HABP4: variants seen among roughly 807,000 people sequenced by gnomAD.
The protein encoded by HABP4 is intracellular hyaluronan-binding protein 4.
In HABP4, 32 loss-of-function variants were observed where a neutral mutation model predicts 44.1. The observed-to-expected ratio is 0.73, with a 90% confidence interval of 0.55 to 0.97. HABP4 has a LOEUF of 0.97. Among genes scored for constraint, HABP4 ranks in the 50% least tolerant of loss-of-function variants. The pLI, the probability that HABP4 is intolerant of heterozygous loss-of-function variation, is 0.00. For missense variants in HABP4, 503 were observed against 561.9 expected (o/e 0.90, Z 1.06); for synonymous variants, 216 against 218.0 (o/e 0.99, Z 0.08).
chr9:96,465,363 G>C lies in HABP4; in HGVS notation c.539G>C (p.Arg180Thr). The C allele has an allele frequency of 6.2e-7, 1 of 1,610,700 alleles. No individual in the cohort carries two copies. The highest frequency in any genetic ancestry group is 8.5e-7 in the Non-Finnish European group (1 of 1,176,898). The change falls in exon 3 of 8, where the codon AGA (arginine) becomes ACA (threonine). Residue 180 changes from arginine to threonine, a missense_variant. By Grantham distance (71) the Arg-to-Thr change is moderately conservative (BLOSUM62 -1). This residue lies in a region of HABP4 where 290 missense variants were observed against 300.5 expected (regional missense o/e 0.97). Coordinates refer to ENST00000375249, the MANE Select transcript of HABP4 (RefSeq NM_014282.4). ...CCAGGTGATAGGTTTGATCGAGACA[G>C]ACCGTTGAGAGGACGTGGAGGCCCG... ...EKPGDRFDRD[R>T]PLRGRGGPRG...
intron 2 of HABP4, among the ~76,000 whole-genome samples, chr9:96,462,701 G>A (rs900169506): frequency 3.9e-5 from 6 of 152,014 alleles, no homozygotes; most frequent in Non-Finnish European, 5.9e-5. Flanking sequence ...CTAGGTAGGC[G>A]GATCTCTTGA....
In HABP4 at chr9:96,471,062, C is replaced by A; in HGVS notation, c.795C>A (p.Ser265=). The change falls in exon 5 of 8, where the codon TCC becomes TCA. Residue 265 remains serine (S), a synonymous_variant. Coordinates refer to ENST00000375249, the MANE Select transcript of HABP4 (RefSeq NM_014282.4). ...PMEEPTVVEE[S]QGTPEEESPA... ...AGGAACCCACAGTGGTGGAGGAGTCCCAGGGCACCCCGGAAGAGGAGTCTC... is the reference window on the plus strand; with the variant it reads ...AGGAACCCACAGTGGTGGAGGAGTCACAGGGCACCCCGGAAGAGGAGTCTC... 6.2e-7 allele frequency: 1 copy of A among 1,603,160 alleles called. No homozygotes were observed. The highest frequency in any genetic ancestry group is 8.5e-7 in the Non-Finnish European group (1 of 1,170,186).
At chr9:96,478,957 A>G (rs1052728318) in intron 5 of HABP4, among the ~76,000 whole-genome samples, 1 of 152,076 alleles carries the variant, frequency 6.6e-6, no homozygotes, top group Admixed American at 6.6e-5. Flanking sequence ...TTCCCTAATG[A>G]CTAATAATGT....
At chr9:96,477,763 G>A (rs928215480) in intron 5 of HABP4, among the ~76,000 whole-genome samples, 1 of 152,114 alleles carries the variant, frequency 6.6e-6, no homozygotes, top group African/African-American at 2.4e-5. Context: ...TACAAGCTTT[G>A]ATATATTTGT....
In HABP4 at chr9:96,490,001, A is replaced by G. The variant is rs760418339; in HGVS notation, c.1205A>G (p.Asn402Ser). 6.2e-7 allele frequency: 1 copy of G among 1,602,360 alleles called. No individual in the cohort carries two copies. Residue 402 changes from asparagine (N) to serine (S), a missense_variant, in exon 8 of 8, where the codon AAC (asparagine) becomes AGC (serine). Asn to Ser is a conservative substitution (Grantham distance 46). Around this residue, in one of 3 missense-constraint regions of HABP4, gnomAD observed 82 missense variants for 71.6 expected, o/e 1.15. Coordinates refer to ENST00000375249, the MANE Select transcript of HABP4 (RefSeq NM_014282.4). ...AEVVMQDVAP[N>S]PDDPEDFPAL... ...CTTTAGATGCAAGATGTTGCCCCCA[A>G]CCCAGATGACCCGGAAGATTTCCCT...
intron 5 of HABP4, among the ~76,000 whole-genome samples, chr9:96,479,534 T>A (rs1438327346): frequency 6.6e-6 from 1 of 151,938 alleles, no homozygotes; most frequent in Non-Finnish European, 1.5e-5. Flanking sequence ...CTTTTTGAGA[T>A]GGAGTTTCAC....
At chr9:96,487,570 GTAT>G (rs2131162395) in intron 6 of HABP4, among the ~76,000 whole-genome samples, 1 of 152,232 alleles carries the variant, frequency 6.6e-6, no homozygotes, top group South Asian at 2.1e-4. Flanking sequence ...TTAGCACATG[GTAT>G]TATAATCAGC....
Position 96,462,784 on chromosome 9 carries a change from T to C in HABP4, c.513-2553T>C, listed in dbSNP as rs182617553. ...TCTACAAAGGGTAGTTAGCCGAGTGTGGTGGCACATGCCTGTAGTCTCAGC... is the reference window on the plus strand; with the variant it reads ...TCTACAAAGGGTAGTTAGCCGAGTGCGGTGGCACATGCCTGTAGTCTCAGC... On this transcript the variant is annotated intron_variant, in intron 2 of 7. Transcript: ENST00000375249. Among the ~76,000 whole-genome samples, 1,097 of 151,938 alleles carry C rather than the reference T, an allele frequency of 7.2e-3. 11 individuals are homozygous for C. The highest frequency in any genetic ancestry group is 0.031 in the Middle Eastern group (9 of 294).
intron 2 of HABP4, 24 bp downstream of exon 2, chr9:96,458,565 G>C (rs1464352296): frequency 6.5e-7 from 1 of 1,529,492 alleles, no homozygotes; most frequent in South Asian, 1.1e-5. Context: ...TCCTCAGCAG[G>C]GCGGGTGGGG....
chr9:96,458,016 C>T (rs1393347192), intron 1 of HABP4, among the ~76,000 whole-genome samples: 1 of 152,182 alleles, frequency 6.6e-6, no homozygotes, highest in Non-Finnish European at 1.5e-5. Context: ...CTTTCATTTT[C>T]TAGGTACGGC....
At chr9:96,480,759 TC>T (rs1160391835) in intron 5 of HABP4, among the ~76,000 whole-genome samples, 2 of 152,226 alleles carry the variant, frequency 1.3e-5, no homozygotes, top group Non-Finnish European at 2.9e-5. Flanking sequence ...AATGTATAAA[TC>T]TTAAGTGTAC....
In HABP4 at chr9:96,490,811, C is replaced by A. The variant is rs1449454932; in HGVS notation, c.*773C>A. The A allele has an allele frequency of 2.0e-5, 3 of 152,244 alleles. No individual in the cohort carries two copies. Among genetic ancestry groups the A allele is most frequent in the African/African-American group, 7.2e-5 (3 of 41,460 alleles). 9.4% of individuals were successfully genotyped at this position (152,244 alleles called of 1,614,324 possible). On this transcript the variant is annotated 3_prime_UTR_variant, in exon 8 of 8. Coordinates refer to ENST00000375249, the MANE Select transcript of HABP4 (RefSeq NM_014282.4). ...GCAAAAGCAAATACCGCATCCTTTT[C>A]TTCCGCAGAACTAGAGTCAGAGTTC...
At chr9:96,461,254 T>G (rs1225844502) in intron 2 of HABP4, among the ~76,000 whole-genome samples, 1 of 152,198 alleles carries the variant, frequency 6.6e-6, no homozygotes, top group African/African-American at 2.4e-5. Flanking sequence ...ATGGTAAATG[T>G]TATGGTATGT....
Position 96,458,436 on chromosome 9 carries a change from C to T in HABP4, c.407C>T (p.Pro136Leu), listed in dbSNP as rs747269653. 6.2e-6 allele frequency: 10 copies of T among 1,613,620 alleles called. No individual in the cohort carries two copies. Among genetic ancestry groups the T allele is most frequent in the Admixed American group, 3.3e-5 (2 of 59,996 alleles). ...EQQGWNDSRG[P>L]EGMLERAERR... ...CAAGGATGGAATGACAGCCGTGGGC[C>T]GGAGGGGATGCTCGAAAGAGCTGAG... is the stretch of plus-strand genomic sequence containing the variant. Residue 136 changes from proline (P) to leucine (L), a missense_variant, in exon 2 of 8, where the codon CCG (proline) becomes CTG (leucine). Pro to Leu is a moderately conservative substitution (Grantham distance 98). This residue lies in a region of HABP4 where 290 missense variants were observed against 300.5 expected (regional missense o/e 0.97). Coordinates refer to ENST00000375249, the MANE Select transcript of HABP4 (RefSeq NM_014282.4).
intron 5 of HABP4, among the ~76,000 whole-genome samples, chr9:96,478,119 A>G (rs1052928581): frequency 3.3e-5 from 5 of 152,040 alleles, no homozygotes; most frequent in Admixed American, 1.3e-4. Context: ...AGTTTTTGCT[A>G]TAAAGCTGCT....
At chr9:96,470,567 T>C (rs921371459) in intron 4 of HABP4, among the ~76,000 whole-genome samples, 2 of 152,160 alleles carry the variant, frequency 1.3e-5, no homozygotes, top group Admixed American at 6.5e-5. Flanking sequence ...TTTTCTGTTA[T>C]TGTAGTTCAA....
rs1336026288 is a variant in HABP4, at chr9:96,458,470, C to G, written c.441C>G (p.Ser147=). 1 of 1,613,184 alleles carries G rather than the reference C, an allele frequency of 6.2e-7. No individual in the cohort carries two copies. The highest frequency in any genetic ancestry group is 1.3e-5 in the African/African-American group (1 of 74,862). Residue 147 remains serine (S), a synonymous_variant, in exon 2 of 8, where the codon TCC becomes TCG. Transcript: ENST00000375249. ...TGCTCGAAAGAGCTGAGCGGAGATCCTACAGGGAATACCGACCCTATGAGA... is the reference window on the plus strand; with the variant it reads ...TGCTCGAAAGAGCTGAGCGGAGATCGTACAGGGAATACCGACCCTATGAGA... ...EGMLERAERR[S]YREYRPYETE...
At chr9:96,456,736 G>C (rs1467042411) in intron 1 of HABP4, among the ~76,000 whole-genome samples, 3 of 120,058 alleles carry the variant, frequency 2.5e-5, no homozygotes, top group Non-Finnish European at 1.6e-5. Flanking sequence ...CTCCAGCCTG[G>C]GCAACAGAGC....
chr9:96,465,650 G>A, intron 3 of HABP4, 60 bp from the exon 4 acceptor site: 1 of 1,268,868 alleles, frequency 7.9e-7, no homozygotes, highest in South Asian at 1.2e-5. Context: ...CACTCTTTCT[G>A]ATTTGGAGAT....
Sources: allele counts gnomAD v4.1 joint callset (sites outside exome capture counted in the v4.1 genomes callset), GRCh38; gene constraint gnomAD v4.1.1; regional missense constraint gnomAD v4.1.1; transcripts MANE v1.5; gene names NCBI Gene and HGNC (gene_info 2026-07-23, HGNC 2026-07-21).